Variants in CDR2 observed in about 807,000 individuals in gnomAD.
CDR2 encodes cerebellar degeneration related protein 2.
Under a neutral mutation model 48.4 loss-of-function variants are expected in CDR2, and 34 were observed. That is an observed-to-expected ratio of 0.70 (90% CI 0.53 to 0.94). CDR2 has a LOEUF of 0.94. Ranked by LOEUF, CDR2 falls within the 40% of genes least tolerant of loss-of-function variation. The probability of loss-of-function intolerance (pLI) is 0.00; values close to 1 mark genes in which losing one functional copy is unlikely to be tolerated. For missense variants in CDR2, 498 were observed against 549.5 expected, an observed-to-expected ratio of 0.91 and a Z score of 0.94; for synonymous variants, 240 against 219.7, an observed-to-expected ratio of 1.09 and a Z score of -0.82.
intron 1 of CDR2, among the ~76,000 whole-genome samples, chr16:22,370,687 T>G (rs1027179762): frequency 2.0e-5 from 3 of 152,230 alleles, no homozygotes; most frequent in Non-Finnish European, 2.9e-5. Context: ...CAAAGAGTTT[T>G]GTAACAGCAA....
intron 2 of CDR2, among the ~76,000 whole-genome samples, chr16:22,359,308 G>A (rs962435640): frequency 6.6e-6 from 1 of 151,948 alleles, no homozygotes; most frequent in African/African-American, 2.4e-5. Flanking sequence ...TCTATTTTTA[G>A]CAGAGATGGG....
At chr16:22,349,527 C>T (rs2048928444) in intron 3 of CDR2, 84 bp from the exon 4 acceptor site, 1 of 1,488,630 alleles carries the variant, frequency 6.7e-7, no homozygotes. Flanking sequence ...GTGCAAACCA[C>T]TCACACTGGG....
chr16:22,347,118 T>G lies in CDR2; in HGVS notation c.1212A>C (p.Glu404Asp), dbSNP rs2048910696. The G allele has an allele frequency of 1.2e-6, 2 of 1,614,248 alleles. No homozygotes were observed. The highest frequency in any genetic ancestry group is 1.6e-4 in the Middle Eastern group (1 of 6,062). The change falls in exon 5 of 5, where the codon GAA (glutamate) becomes GAC (aspartate). Residue 404 changes from glutamate to aspartate, a missense_variant. Glu to Asp is a conservative substitution (Grantham distance 45, BLOSUM62 2). Coordinates refer to ENST00000268383, the MANE Select transcript of CDR2 (RefSeq NM_001802.2). Reference sequence around the variant, plus strand: ...CGGGCTCTGGGTTGACAGAGGCCAGTTCCCAGCCGCTGGCAACAGGCTCAG... The same window carrying G: ...CGGGCTCTGGGTTGACAGAGGCCAGGTCCCAGCCGCTGGCAACAGGCTCAG... ...AQSEPVASGW[E>D]LASVNPEPVS...
chr16:22,349,626 G>T, intron 3 of CDR2, 75 bp downstream of exon 3: 1 of 1,505,360 alleles, frequency 6.6e-7, no homozygotes, highest in Non-Finnish European at 9.1e-7. Flanking sequence ...CAAACCCACT[G>T]CAGCCATGTT....
intron 2 of CDR2, among the ~76,000 whole-genome samples, chr16:22,356,425 C>G (rs552118966): frequency 6.6e-6 from 1 of 152,322 alleles, no homozygotes; most frequent in African/African-American, 2.4e-5. Flanking sequence ...CGAGACCAGC[C>G]TGGCCAACAT....
intron 1 of CDR2, among the ~76,000 whole-genome samples, chr16:22,372,116 C>T (rs1206840254): frequency 1.3e-5 from 2 of 152,082 alleles, no homozygotes; most frequent in African/African-American, 4.8e-5. Flanking sequence ...GTTATATGCC[C>T]GCCTCGGCCT....
chr16:22,358,930 T>C lies in CDR2; in HGVS notation c.192+5972A>G, dbSNP rs185824944. Among the ~76,000 whole-genome samples, 330 of 152,300 alleles carry C rather than the reference T, an allele frequency of 2.2e-3. 1 individual carries two copies. Among genetic ancestry groups the C allele is most frequent in the African/African-American group, 7.6e-3 (315 of 41,558 alleles). ...CATGACTATAGTTAACAATATCTTA[T>C]TGTATACTTCAAAATAGCTAGAAAA... On this transcript the variant is annotated intron_variant, in intron 2 of 4. Transcript: ENST00000268383.
intron 1 of CDR2, among the ~76,000 whole-genome samples, chr16:22,369,284 C>CA (rs1336963353): frequency 1.0e-5 from 1 of 99,734 alleles, no homozygotes; most frequent in Non-Finnish European, 2.4e-5. Flanking sequence ...TGTCTCTTAG[C>CA]AGGAAAAAAA....
chr16:22,347,191 T>C lies in CDR2; in HGVS notation c.1139A>G (p.Gln380Arg). Residue 380 changes from glutamine (Q) to arginine (R), a missense_variant, in exon 5 of 5, where the codon CAG (glutamine) becomes CGG (arginine). By Grantham distance (43) the Gln-to-Arg change is conservative. Coordinates refer to ENST00000268383, the MANE Select transcript of CDR2 (RefSeq NM_001802.2). ...EQDSLSHKAV[Q>R]TSRAAAKDLT... ...GTCCTTGGCTGCAGCCCTGGAGGTCTGCACAGCCTTGTGTGACAGGGAGTC... is the reference window on the plus strand; with the variant it reads ...GTCCTTGGCTGCAGCCCTGGAGGTCCGCACAGCCTTGTGTGACAGGGAGTC... The C allele has an allele frequency of 1.2e-6, 2 of 1,614,234 alleles. No individual in the cohort carries two copies. Among genetic ancestry groups the C allele is most frequent in the South Asian group, 1.1e-5 (1 of 91,090 alleles).
chr16:22,357,722 G>T (rs555873598), intron 2 of CDR2, among the ~76,000 whole-genome samples: 1 of 152,222 alleles, frequency 6.6e-6, no homozygotes, highest in Non-Finnish European at 1.5e-5. Context: ...CTTACAGATA[G>T]GATGTTCAAG....
chr16:22,364,029 C>A (rs1227942351), intron 2 of CDR2, among the ~76,000 whole-genome samples: 1 of 152,126 alleles, frequency 6.6e-6, no homozygotes. Context: ...GCCTTGACTT[C>A]CCAGGTTCAG....
intron 2 of CDR2, among the ~76,000 whole-genome samples, chr16:22,361,379 C>A (rs1390429975): frequency 4.6e-5 from 7 of 152,192 alleles, no homozygotes; most frequent in African/African-American, 1.4e-4. Flanking sequence ...GTTTAGGGGG[C>A]CTCCTGAAGG....
intron 3 of CDR2, 44 bp downstream of exon 3, chr16:22,349,657 G>T (rs759801902): frequency 1.9e-6 from 3 of 1,601,188 alleles, no homozygotes; most frequent in Non-Finnish European, 2.6e-6. Flanking sequence ...TTATACTAAA[G>T]AACTTCCCCC....
chr16:22,361,508 A>G (rs2049010170), intron 2 of CDR2, among the ~76,000 whole-genome samples: 1 of 152,218 alleles, frequency 6.6e-6, no homozygotes, highest in Non-Finnish European at 1.5e-5. Context: ...GAGACCTCAG[A>G]AATCTACATC....
At chr16:22,372,385 G>C (rs1036406808) in intron 1 of CDR2, among the ~76,000 whole-genome samples, 2 of 152,268 alleles carry the variant, frequency 1.3e-5, no homozygotes. Flanking sequence ...TTCTGTGCGA[G>C]TGCTTCAGTG....
chr16:22,346,871 G>C lies in CDR2; in HGVS notation c.*94C>G. ...CAAAGCAATGAGGCAAACGTCATGA[G>C]TAACATTAGGCTTCAGAGTCTACAA... On this transcript the variant is annotated 3_prime_UTR_variant, in exon 5 of 5. Coordinates refer to ENST00000268383, the MANE Select transcript of CDR2 (RefSeq NM_001802.2). The C allele has an allele frequency of 1.5e-6, 2 of 1,353,094 alleles. No homozygotes were observed. The highest frequency in any genetic ancestry group is 2.3e-4 in the Middle Eastern group (1 of 4,320). 83.8% of individuals were successfully genotyped at this position (1,353,094 alleles called of 1,614,324 possible). A position where few individuals can be genotyped will look rare whatever the true frequency, so the allele number is the denominator to read the frequency against.
At chr16:22,360,465 G>T (rs75360669) in intron 2 of CDR2, among the ~76,000 whole-genome samples, 1 of 152,138 alleles carries the variant, frequency 6.6e-6, no homozygotes, top group East Asian at 1.9e-4. Context: ...AGGATTGTTT[G>T]AAACCCTCCA....
rs557343554 is a variant in CDR2, at chr16:22,372,506, C to T, written c.79+1725G>A. Among the ~76,000 whole-genome samples, 9 of 152,256 alleles carry T rather than the reference C, an allele frequency of 5.9e-5. No individual in the cohort carries two copies. The South Asian group carries it at 8.3e-4, about 14-fold the overall frequency. On this transcript the variant is annotated intron_variant, in intron 1 of 4. Transcript: ENST00000268383. ...CCCTCTATGCCCTTAAAGATTAATG[C>T]TTCTTAAATACAGGAAAGAGAAATA...
intron 2 of CDR2, among the ~76,000 whole-genome samples, chr16:22,351,710 C>T (rs1278636014): frequency 2.0e-5 from 3 of 152,266 alleles, no homozygotes; most frequent in African/African-American, 7.2e-5. Flanking sequence ...ATGATTTATT[C>T]TGGTCCTGCT....
Sources: gnomAD v4.1 joint callset for allele counts (sites outside exome capture counted in the v4.1 genomes callset) on GRCh38, gnomAD v4.1.1 for gene constraint, MANE v1.5 for transcripts, NCBI Gene and HGNC (gene_info 2026-07-23, HGNC 2026-07-21) for gene names.